ARHGAP6: variants seen among roughly 807,000 people sequenced by gnomAD.
The protein encoded by ARHGAP6 is Rho GTPase activating protein 6.
In ARHGAP6, 16 loss-of-function variants were observed where a neutral mutation model predicts 55.7. The observed-to-expected ratio is 0.29, with a 90% CI of 0.19 to 0.44. The LOEUF is 0.44. Among genes scored for constraint, ARHGAP6 ranks in the 20% least tolerant of loss-of-function variants. ARHGAP6 has a pLI of 1.00. For synonymous variants in ARHGAP6, 382 were observed against 360.9 expected, an observed-to-expected ratio of 1.06 and a Z score of -0.66; for missense variants, 698 against 808.9, an observed-to-expected ratio of 0.86 and a Z score of 1.66.
chrX:11,334,803 C>T (rs746238808), intron 1 of ARHGAP6: 23 of 219,177 alleles, frequency 1.0e-4, no homozygotes, highest in East Asian at 2.4e-4. Flanking sequence ...TATCAAAGAA[C>T]GCAGTTTCTT....
chrX:11,577,814 T>C (rs140752598), intron 1 of ARHGAP6, among the ~76,000 whole-genome samples: 1 of 111,354 alleles, frequency 9.0e-6, no homozygotes, highest in African/African-American at 3.3e-5. Context: ...ACTGTACAAG[T>C]AGCTGGACAC....
intron 1 of ARHGAP6, among the ~76,000 whole-genome samples, chrX:11,340,728 A>C (rs111671272): frequency 7.1e-4 from 65 of 91,957 alleles, no homozygotes; most frequent in Non-Finnish European, 1.2e-3. Flanking sequence ...GACTCCGTCT[A>C]AAAAAAAAAA....
At chrX:11,266,070 TGTGAGAGA>T (rs2047622309) in intron 1 of ARHGAP6, 3 of 249,685 alleles carry the variant, frequency 1.2e-5, no homozygotes, top group Non-Finnish European at 1.6e-5. Flanking sequence ...TGTGTGTGTG[TGTGAGAGA>T]GAGAGAGAGA....
chrX:11,139,126 C>A lies in ARHGAP6; in HGVS notation c.2662G>T (p.Gly888Trp). 1 of 1,205,668 alleles carries A rather than the reference C, an allele frequency of 8.3e-7. No homozygotes were observed. Among genetic ancestry groups the A allele is most frequent in the Non-Finnish European group, 1.1e-6 (1 of 893,214 alleles). ...CAGGCTGCCGCTGCCGCGGGCTTCC[C>A]TGGGCCCGGGTATGGAGGCGGGGGC... The part of the protein sequence containing the change: ...KRPPPPYPGP[G>W]KPAAAAAWIQ... The change falls in exon 13 of 13, where the codon GGG becomes TGG. Residue 888 changes from glycine (G) to tryptophan (W), a missense_variant. Coordinates refer to ENST00000337414, the MANE Select transcript of ARHGAP6 (RefSeq NM_013427.3).
At chrX:11,472,271 A>G (rs915963619) in intron 1 of ARHGAP6, among the ~76,000 whole-genome samples, 1 of 111,544 alleles carries the variant, frequency 9.0e-6, no homozygotes, top group Non-Finnish European at 1.9e-5. Context: ...AGATCGCCAA[A>G]TTTGCCCTGG....
At chrX:11,275,774 G>A (rs1311167696) in intron 1 of ARHGAP6, among the ~76,000 whole-genome samples, 1 of 111,602 alleles carries the variant, frequency 9.0e-6, no homozygotes, top group Non-Finnish European at 1.9e-5. Context: ...CCACATGGAA[G>A]AGCCCAGAGG....
chrX:11,174,623 T>TTTTCTTTCTTTC (rs55966871), intron 8 of ARHGAP6, among the ~76,000 whole-genome samples: 62 of 46,728 alleles, frequency 1.3e-3, no homozygotes, highest in Non-Finnish European at 1.5e-3. Context: ...TTTCTCTTTC[T>TTTTCTTTCTTTC]TTTCTTTCTT....
At chrX:11,467,471 C>T (rs1328802882) in intron 1 of ARHGAP6, among the ~76,000 whole-genome samples, 1 of 110,962 alleles carries the variant, frequency 9.0e-6, no homozygotes, top group African/African-American at 3.3e-5. Flanking sequence ...AAATTTCCTA[C>T]CTTAAACTTT....
intron 1 of ARHGAP6, among the ~76,000 whole-genome samples, chrX:11,559,339 G>C (rs990381235): frequency 2.7e-5 from 3 of 111,003 alleles, no homozygotes; most frequent in African/African-American, 9.8e-5. Context: ...TGCCTGCCTG[G>C]AATGTGTTCT....
intron 1 of ARHGAP6, among the ~76,000 whole-genome samples, chrX:11,561,757 A>G (rs1240825229): frequency 7.1e-5 from 8 of 112,503 alleles, no homozygotes; most frequent in Non-Finnish European, 1.5e-4. Context: ...AGTGATTTCA[A>G]GTTTCCCTAT....
At chrX:11,430,732 TATTTTAA>T (rs2049933119) in intron 1 of ARHGAP6, among the ~76,000 whole-genome samples, 2 of 112,422 alleles carry the variant, frequency 1.8e-5, no homozygotes, top group Admixed American at 1.9e-4. Flanking sequence ...CAACAAATAT[TATTTTAA>T]ATTTTAAATT....
chrX:11,639,224 T>C (rs184849199), intron 1 of ARHGAP6, among the ~76,000 whole-genome samples: 52 of 103,996 alleles, frequency 5.0e-4, no homozygotes, highest in African/African-American at 1.9e-3. Flanking sequence ...CCTTATTTTT[T>C]TATTGTACTT....
At chrX:11,383,929 TAC>T (rs1237378603) in intron 1 of ARHGAP6, among the ~76,000 whole-genome samples, 1 of 110,731 alleles carries the variant, frequency 9.0e-6, no homozygotes, top group African/African-American at 3.3e-5. Flanking sequence ...ATGAAGTCTA[TAC>T]ACACAGTTTT....
chrX:11,250,934 T>C (rs746928387), intron 2 of ARHGAP6, among the ~76,000 whole-genome samples: 1 of 112,489 alleles, frequency 8.9e-6, no homozygotes, highest in Non-Finnish European at 1.9e-5. Flanking sequence ...TTCACCTTCA[T>C]TGAATTGAAC....
At chrX:11,163,822 A>C (rs1602755359) in intron 9 of ARHGAP6, among the ~76,000 whole-genome samples, 2 of 112,077 alleles carry the variant, frequency 1.8e-5, no homozygotes, top group East Asian at 2.8e-4. Context: ...TTAGTGAACA[A>C]ATACAGTGGA....
At chrX:11,245,915 A>G (rs1200333257) in intron 2 of ARHGAP6, among the ~76,000 whole-genome samples, 1 of 112,157 alleles carries the variant, frequency 8.9e-6, no homozygotes, top group Non-Finnish European at 1.9e-5. Context: ...CTTCTTTTAT[A>G]TGAAATAGAT....
chrX:11,533,785 C>T (rs1489867598), intron 1 of ARHGAP6, among the ~76,000 whole-genome samples: 1 of 112,128 alleles, frequency 8.9e-6, no homozygotes, highest in Non-Finnish European at 1.9e-5. Flanking sequence ...AGATGCATCT[C>T]TAGTAGTGAC....
At chrX:11,563,529 C>G (rs2051410473) in intron 1 of ARHGAP6, among the ~76,000 whole-genome samples, 2 of 111,130 alleles carry the variant, frequency 1.8e-5, no homozygotes, top group Non-Finnish European at 3.8e-5. Context: ...CGTGCACATG[C>G]ATATAAGTAC....
chrX:11,508,199 G>A (rs1161262185), intron 1 of ARHGAP6, among the ~76,000 whole-genome samples: 1 of 110,612 alleles, frequency 9.0e-6, no homozygotes, highest in Non-Finnish European at 1.9e-5. Flanking sequence ...GTCTTGCTCT[G>A]TTGCTATGAT....
Sources: allele counts gnomAD v4.1 joint callset (sites outside exome capture counted in the v4.1 genomes callset), GRCh38; gene constraint gnomAD v4.1.1; transcripts MANE v1.5; gene names NCBI Gene and HGNC (gene_info 2026-07-23, HGNC 2026-07-21).